The following YAF2 variants were observed in gnomAD, a reference collection of about 807,000 sequenced individuals.
YAF2 encodes the protein YY1 associated factor 2, also known as YY1-associated factor 2.
Under a neutral mutation model 20.1 loss-of-function variants are expected in YAF2, and 7 were observed. That is an observed-to-expected ratio of 0.35 (90% CI 0.20 to 0.65). YAF2 has a LOEUF of 0.65. Among genes scored for constraint, YAF2 ranks in the 30% least tolerant of loss-of-function variants. The pLI is 0.69. For missense variants in YAF2, 151 were observed against 219.2 expected (o/e 0.69, Z 1.96); for synonymous variants, 74 against 76.0 (o/e 0.97, Z 0.14).
chr12:42,187,308 T>C (rs712118), intron 2 of YAF2, among the ~76,000 whole-genome samples: 105,948 of 151,758 alleles, frequency 0.7, 38,055 homozygotes, highest in African/African-American at 0.86. Context: ...AGGTGCTCAC[T>C]ACCATGCCCA....
intron 2 of YAF2, chr12:42,234,811 TC>T: frequency 2.6e-6 from 2 of 783,446 alleles, no homozygotes; most frequent in Non-Finnish European, 3.1e-6. Flanking sequence ...AACATAGAGA[TC>T]CCCCATCTCT....
At chr12:42,197,311 G>T (rs940498316) in intron 2 of YAF2, among the ~76,000 whole-genome samples, 4 of 152,164 alleles carry the variant, frequency 2.6e-5, no homozygotes, top group African/African-American at 4.8e-5. Context: ...CAACACCCCA[G>T]TGACCACAAT....
intron 2 of YAF2, chr12:42,233,666 C>G: frequency 1.5e-6 from 1 of 676,350 alleles, no homozygotes; most frequent in Non-Finnish European, 1.8e-6. Flanking sequence ...CATGCACCAC[C>G]ACACCCAGCT....
At chr12:42,185,132 C>T (rs1453144641) in intron 2 of YAF2, among the ~76,000 whole-genome samples, 4 of 152,044 alleles carry the variant, frequency 2.6e-5, no homozygotes, top group South Asian at 2.1e-4. Flanking sequence ...GGGCCAAGAT[C>T]GCGCCACTGC....
intron 2 of YAF2, among the ~76,000 whole-genome samples, chr12:42,218,885 T>A (rs1422595080): frequency 1.3e-5 from 2 of 152,086 alleles, no homozygotes; most frequent in Admixed American, 1.3e-4. Context: ...AGGAAAGATA[T>A]AGGGAAGGAG....
chr12:42,210,606 C>G (rs1195450387), intron 2 of YAF2: 1 of 1,536,100 alleles, frequency 6.5e-7, no homozygotes, highest in East Asian at 2.4e-5. Flanking sequence ...ACAATAACTT[C>G]AAACAATGTG....
At chr12:42,229,408 T>TA (rs1158057902) in intron 2 of YAF2, among the ~76,000 whole-genome samples, 2 of 84,300 alleles carry the variant, frequency 2.4e-5, no homozygotes, top group African/African-American at 9.9e-5. Context: ...GAATTATCAA[T>TA]AAAAAAATAA....
chr12:42,234,402 T>C (rs1031284261), intron 2 of YAF2: 1 of 985,148 alleles, frequency 1.0e-6, no homozygotes, highest in African/African-American at 1.7e-5. Flanking sequence ...AATGACCTGT[T>C]GGGTATAACG....
In YAF2 at chr12:42,238,184, T is replaced by C; in HGVS notation, c.-4A>G. 6.5e-7 allele frequency: 1 copy of C among 1,529,624 alleles called. No homozygotes were observed. Among genetic ancestry groups the C allele is most frequent in the Non-Finnish European group, 8.8e-7 (1 of 1,137,078 alleles). 94.8% of individuals were successfully genotyped at this position (1,529,624 alleles called of 1,614,324 possible). ...TGGGGCTCTTCTTGTCTCCCATGGC[T>C]TGGCTATCACCGCACGCCGAGAGTC... On this transcript the variant is annotated 5_prime_UTR_variant, in exon 1 of 4. Coordinates refer to ENST00000534854, the MANE Select transcript of YAF2 (RefSeq NM_005748.6).
At chr12:42,187,923 C>T (rs2066514435) in intron 2 of YAF2, among the ~76,000 whole-genome samples, 1 of 152,126 alleles carries the variant, frequency 6.6e-6, no homozygotes, top group Non-Finnish European at 1.5e-5. Flanking sequence ...GGGAAGCCAG[C>T]TCTTATGTCA....
chr12:42,233,057 A>G (rs1592069103), intron 2 of YAF2: 2 of 985,382 alleles, frequency 2.0e-6, no homozygotes, highest in Non-Finnish European at 2.4e-6. Context: ...CTAGTATCCA[A>G]CTCAGCCCTT....
At chr12:42,235,508 A>T (rs1196457797) in intron 2 of YAF2, 1 of 1,282,014 alleles carries the variant, frequency 7.8e-7, no homozygotes, top group African/African-American at 1.5e-5. Flanking sequence ...AACAGATAAC[A>T]GAGAAATTAG....
chr12:42,189,765 A>G (rs1470509533), intron 2 of YAF2, among the ~76,000 whole-genome samples: 3 of 152,168 alleles, frequency 2.0e-5, no homozygotes, highest in Non-Finnish European at 2.9e-5. Context: ...TATTAATACT[A>G]ATATTAGATG....
chr12:42,180,151 C>G (rs2066306498), intron 2 of YAF2, among the ~76,000 whole-genome samples: 1 of 152,166 alleles, frequency 6.6e-6, no homozygotes, highest in Admixed American at 6.5e-5. Flanking sequence ...ATGCCCTTAT[C>G]CAAACCCCTT....
At chr12:42,205,372 T>G (rs189188236) in intron 2 of YAF2, among the ~76,000 whole-genome samples, 377 of 148,154 alleles carry the variant, frequency 2.5e-3, no homozygotes, top group Middle Eastern at 3.4e-3. Context: ...TGCTGCTGCT[T>G]CTTCTCTTTT....
chr12:42,181,493 C>T (rs994111395), intron 2 of YAF2, among the ~76,000 whole-genome samples: 3 of 152,128 alleles, frequency 2.0e-5, no homozygotes, highest in Non-Finnish European at 2.9e-5. Flanking sequence ...ATAACTGCTC[C>T]GGGAACAGCT....
chr12:42,226,863 G>C (rs1386861292), intron 2 of YAF2, among the ~76,000 whole-genome samples: 1 of 150,812 alleles, frequency 6.6e-6, no homozygotes, highest in Non-Finnish European at 1.5e-5. Flanking sequence ...CGCGGCGCCG[G>C]AGGCCCCAGA....
At chr12:42,210,406 T>C (rs769661984) in intron 2 of YAF2, 1 of 1,533,296 alleles carries the variant, frequency 6.5e-7, no homozygotes. Flanking sequence ...TCCACCTCTC[T>C]TGCCCTTCTG....
At position 42,214,608 on chromosome 12, in the gene YAF2, C is replaced by G. The variant is rs566758870; in HGVS notation, c.152+22991G>C. On this transcript the variant is annotated intron_variant, in intron 2 of 3. Coordinates refer to ENST00000534854, the MANE Select transcript of YAF2 (RefSeq NM_005748.6). ...TTCTGCTTTCTGATTAAATGCCACC[C>G]ACTCAGAGAAGCCTCTCCTCTTCAC... 2.0e-5 allele frequency among the ~76,000 whole-genome samples: 3 copies of G among 152,260 alleles called. No homozygotes were observed. The South Asian group carries it at 6.2e-4, about 32-fold the overall frequency.
Sources: gnomAD v4.1 joint callset for allele counts (sites outside exome capture counted in the v4.1 genomes callset) on GRCh38, gnomAD v4.1.1 for gene constraint, MANE v1.5 for transcripts, NCBI Gene and HGNC (gene_info 2026-07-23, HGNC 2026-07-21) for gene names.